Variants in TMEM269 observed in about 807,000 individuals in gnomAD.
TMEM269 encodes transmembrane protein 269.
In TMEM269, 12 loss-of-function variants were observed where a neutral mutation model predicts 15.8. The observed-to-expected ratio is 0.76, with a 90% CI of 0.49 to 1.23. The LOEUF is 1.23. TMEM269 is among the 50% of genes most tolerant of loss of function. The pLI is 0.00. For synonymous variants in TMEM269, 93 were observed against 99.3 expected (o/e 0.94, Z 0.38); for missense variants, 211 against 245.4 (o/e 0.86, Z 0.94).
chr1:42,795,148 A>C (rs1461977021), intron 5 of TMEM269, among the ~76,000 whole-genome samples: 1 of 152,218 alleles, frequency 6.6e-6, no homozygotes, highest in Non-Finnish European at 1.5e-5. Context: ...ATCCTTAAGC[A>C]GGTGTCATTT....
chr1:42,794,721 T>A, intron 5 of TMEM269, 108 bp downstream of exon 5: 1 of 782,042 alleles, frequency 1.3e-6, no homozygotes. Context: ...TTTTTCCCCA[T>A]AGAACTGATA....
Position 42,793,604 on chromosome 1 carries a change from C to T in TMEM269, c.143C>T (p.Ala48Val). 6.5e-7 allele frequency: 1 copy of T among 1,549,174 alleles called. No individual in the cohort carries two copies. The highest frequency in any genetic ancestry group is 2.4e-5 in the East Asian group (1 of 40,852). ...SHINICSKLG[A>V]ELNDFAVFTT... ...AACCTTGGGCCGTCTGGGGCAGGAGCCGAGCTGAATGACTTTGCCGTCTTC... is the reference window on the plus strand; with the variant it reads ...AACCTTGGGCCGTCTGGGGCAGGAGTCGAGCTGAATGACTTTGCCGTCTTC... The change falls in exon 4 of 6, where the codon GCC (alanine) becomes GTC (valine). Residue 48 changes from alanine to valine, a missense_variant. Transcript: ENST00000637012.
At chr1:42,786,851 C>T (rs1347587098) in intron 1 of TMEM269, among the ~76,000 whole-genome samples, 1 of 152,238 alleles carries the variant, frequency 6.6e-6, no homozygotes, top group Non-Finnish European at 1.5e-5. Context: ...TCCTCTACAG[C>T]CCTTACTCTC....
At position 42,800,003 on chromosome 1, in the gene TMEM269, C is replaced by G. The variant is rs1653861798; in HGVS notation, c.*1778C>G. 6.6e-6 allele frequency: 1 copy of G among 152,200 alleles called. No homozygotes were observed. The highest frequency in any genetic ancestry group is 2.4e-5 in the African/African-American group (1 of 41,432). 9.4% of individuals were successfully genotyped at this position (152,200 alleles called of 1,614,324 possible). ...ATATTTGGACTCAAATGCCTTGTGGCTGTTTCTAAAATTTGAAACTATGTT... is the reference window on the plus strand; with the variant it reads ...ATATTTGGACTCAAATGCCTTGTGGGTGTTTCTAAAATTTGAAACTATGTT... On this transcript the variant is annotated 3_prime_UTR_variant, in exon 6 of 6. Coordinates refer to ENST00000637012, the MANE Select transcript of TMEM269 (RefSeq NM_001354602.2).
chr1:42,789,223 A>G, intron 1 of TMEM269: 1 of 573,686 alleles, frequency 1.7e-6, no homozygotes, highest in Non-Finnish European at 3.1e-6. Flanking sequence ...GTGTCCGGCT[A>G]CACATTCAGT....
chr1:42,786,301 A>T (rs1318458520), intron 1 of TMEM269, among the ~76,000 whole-genome samples: 1 of 152,260 alleles, frequency 6.6e-6, no homozygotes, highest in Admixed American at 6.5e-5. Context: ...CTCAAATTGC[A>T]TTCCCTGTAG....
In TMEM269 at chr1:42,789,928, T is replaced by C; in HGVS notation, c.35T>C (p.Phe12Ser). The change falls in exon 2 of 6, where the codon TTC (phenylalanine) becomes TCC (serine). Residue 12 changes from phenylalanine (F) to serine (S), a missense_variant. Coordinates refer to ENST00000637012, the MANE Select transcript of TMEM269 (RefSeq NM_001354602.2). ...GGGCTCTTCTCCATCATCTTCAGCTTCAGCAGGTAGGTCTGGGGCCCAGCA... is the reference window on the plus strand; with the variant it reads ...GGGCTCTTCTCCATCATCTTCAGCTCCAGCAGGTAGGTCTGGGGCCCAGCA... The part of the protein sequence containing the change: ...VLGLFSIIFS[F>S]SRKCHYASRM... 1 of 1,550,254 alleles carries C rather than the reference T, an allele frequency of 6.5e-7. No homozygotes were observed. The highest frequency in any genetic ancestry group is 8.7e-7 in the Non-Finnish European group (1 of 1,146,742).
Position 42,798,357 on chromosome 1 carries a change from A to G in TMEM269, c.*132A>G. 2.4e-6 allele frequency: 3 copies of G among 1,234,976 alleles called. No homozygotes were observed. The highest frequency in any genetic ancestry group is 5.4e-5 in the Admixed American group (2 of 37,302). The allele number at this position is 1,234,976 out of a possible 1,614,324, so 76.5% of individuals were successfully genotyped here. A position where few individuals can be genotyped will look rare whatever the true frequency, so the allele number is the denominator to read the frequency against. On this transcript the variant is annotated 3_prime_UTR_variant, in exon 6 of 6. Coordinates refer to ENST00000637012, the MANE Select transcript of TMEM269 (RefSeq NM_001354602.2). ...CTAGATATATGGTATGTCTGTTGCC[A>G]TGAAGTTAGAAACCCAAAGCAGGGT...
In TMEM269 at chr1:42,788,358, C is replaced by G. The variant is rs1252994589; in HGVS notation, c.-98-1438C>G. On this transcript the variant is annotated intron_variant, in intron 1 of 5. Transcript: ENST00000637012. This position sits in a 1 kb window ranked among gnomAD's most constrained non-coding sequence, Gnocchi z 4.0. ...GAAACTTGTTTATTTCACTCAAGTGCAGGATCTATTTGTGGCTGGTACATT... is the reference window on the plus strand; with the variant it reads ...GAAACTTGTTTATTTCACTCAAGTGGAGGATCTATTTGTGGCTGGTACATT... Among the ~76,000 whole-genome samples the G allele has an allele frequency of 6.6e-6, 1 of 152,170 alleles. No homozygotes were observed. The highest frequency in any genetic ancestry group is 1.5e-5 in the Non-Finnish European group (1 of 68,034).
intron 2 of TMEM269, among the ~76,000 whole-genome samples, chr1:42,791,015 G>A (rs1396528523): frequency 6.6e-6 from 1 of 152,148 alleles, no homozygotes; most frequent in Non-Finnish European, 1.5e-5. Flanking sequence ...CCTGAGAGCA[G>A]GTGCTGGATG....
chr1:42,789,607 T>C (rs1653643867), intron 1 of TMEM269, 189 bp from the exon 2 acceptor site: 5 of 1,088,812 alleles, frequency 4.6e-6, no homozygotes, highest in Non-Finnish European at 6.7e-6. Flanking sequence ...AGACGCTGGA[T>C]CCTCAGCACC....
chr1:42,794,648 C>T (rs1274506422), intron 5 of TMEM269, 35 bp downstream of exon 5: 5 of 1,456,430 alleles, frequency 3.4e-6, no homozygotes, highest in Non-Finnish European at 4.7e-6. Context: ...AGTTTGTTAT[C>T]ACAGTTGCTT....
At chr1:42,795,386 A>T (rs114851884) in intron 5 of TMEM269, among the ~76,000 whole-genome samples, 9,268 of 152,280 alleles carry the variant, frequency 0.061, 413 homozygotes, top group Non-Finnish European at 0.091. Flanking sequence ...GGAGCCTCTA[A>T]AGGGATTTAT....
intron 4 of TMEM269, 51 bp downstream of exon 4, chr1:42,793,795 G>A (rs1165639738): frequency 1.7e-5 from 26 of 1,520,442 alleles, no homozygotes; most frequent in South Asian, 7.5e-5. Context: ...AGCACAGAAC[G>A]GGGGGCTGTC....
chr1:42,795,647 G>A (rs557666003), intron 5 of TMEM269, among the ~76,000 whole-genome samples: 1 of 152,298 alleles, frequency 6.6e-6, no homozygotes, highest in Non-Finnish European at 1.5e-5. Context: ...TGAGCACTGG[G>A]CTCCAGGCCC....
Position 42,789,275 on chromosome 1 carries a change from G to C in TMEM269, c.-98-521G>C, listed in dbSNP as rs1192185280. 1.6e-5 allele frequency: 10 copies of C among 619,280 alleles called. No individual in the cohort carries two copies. The African/African-American group carries it at 1.8e-4, about 11-fold the overall frequency. The allele number at this position is 619,280 out of a possible 1,614,324, so 38.4% of individuals were successfully genotyped here. On this transcript the variant is annotated intron_variant, in intron 1 of 5. Transcript: ENST00000637012. ...TTTCCTTGTGGGAAGTAGGCCTGCTGTTCTGACTGGGGCCTGTCAGAACCA... is the reference window on the plus strand; with the variant it reads ...TTTCCTTGTGGGAAGTAGGCCTGCTCTTCTGACTGGGGCCTGTCAGAACCA...
intron 1 of TMEM269, chr1:42,789,249 C>T: frequency 1.7e-6 from 1 of 593,668 alleles, no homozygotes; most frequent in Non-Finnish European, 3.0e-6. Context: ...TCTGCCGTCT[C>T]TTTCCTTGTG....
chr1:42,787,086 A>G (rs1653556762), intron 1 of TMEM269, among the ~76,000 whole-genome samples: 1 of 152,090 alleles, frequency 6.6e-6, no homozygotes, highest in Non-Finnish European at 1.5e-5. Flanking sequence ...TAGGTTGTAA[A>G]CTCTGTGATG....
At chr1:42,791,405 C>T (rs939045443) in intron 2 of TMEM269, among the ~76,000 whole-genome samples, 5 of 152,052 alleles carry the variant, frequency 3.3e-5, no homozygotes, top group African/African-American at 1.2e-4. Context: ...AAGTCAATAA[C>T]AGAAAGATAG....
Sources: gnomAD v4.1 joint callset for allele counts (sites outside exome capture counted in the v4.1 genomes callset) on GRCh38, gnomAD v4.1.1 for gene constraint, Gnocchi (gnomAD v3.1) non-coding constraint, MANE v1.5 for transcripts, NCBI Gene and HGNC (gene_info 2026-07-23, HGNC 2026-07-21) for gene names.